The following OCA2 variants were observed in gnomAD, a reference collection of about 807,000 sequenced individuals.
OCA2 encodes OCA2 melanosomal transmembrane protein.
In OCA2, 77 loss-of-function variants were observed where a neutral mutation model predicts 100.2. The observed-to-expected ratio is 0.77, with a 90% confidence interval of 0.64 to 0.93. OCA2 has a LOEUF of 0.93. Ranked by LOEUF, OCA2 falls within the 40% of genes least tolerant of loss-of-function variation. The pLI, the probability that OCA2 is intolerant of heterozygous loss-of-function variation, is 0.00. For synonymous variants in OCA2, 432 were observed against 439.2 expected (o/e 0.98, Z 0.21); for missense variants, 1,062 against 1,089.1 (o/e 0.98, Z 0.35).
intron 2 of OCA2, among the ~76,000 whole-genome samples, chr15:28,069,618 G>A (rs866062995): frequency 5.0e-5 from 7 of 141,038 alleles, no homozygotes; most frequent in African/African-American, 8.7e-5. Context: ...TGGCCGGGCC[G>A]GTCTCCAGCC....
chr15:27,866,442 T>G (rs1567037699), intron 21 of OCA2, among the ~76,000 whole-genome samples: 3 of 152,004 alleles, frequency 2.0e-5, no homozygotes, highest in Admixed American at 2.0e-4. Flanking sequence ...AGTAACAGAG[T>G]AGCAGAGGAT....
chr15:27,761,708 C>T (rs1455070537), intron 23 of OCA2, among the ~76,000 whole-genome samples: 2 of 152,180 alleles, frequency 1.3e-5, no homozygotes, highest in Non-Finnish European at 2.9e-5. Context: ...CTCTATCCAA[C>T]ATGAAGGTCT....
chr15:28,093,390 G>A (rs1194705028), intron 1 of OCA2, among the ~76,000 whole-genome samples: 2 of 146,594 alleles, frequency 1.4e-5, no homozygotes, highest in African/African-American at 2.5e-5. Flanking sequence ...CAGCCTGGGC[G>A]ACAAGAGCAA....
intron 2 of OCA2, among the ~76,000 whole-genome samples, chr15:28,074,622 C>G (rs1231306041): frequency 6.8e-6 from 1 of 147,222 alleles, no homozygotes; most frequent in Non-Finnish European, 1.5e-5. Flanking sequence ...TGCAGTGAGC[C>G]GAGATCACGC....
At chr15:27,751,619 A>G (rs1376526484), downstream of OCA2, among the ~76,000 whole-genome samples, 3 of 152,236 alleles carry the variant, frequency 2.0e-5, no homozygotes, top group East Asian at 5.8e-4. Flanking sequence ...AAGCAAGTGC[A>G]GCTCACAGGT....
At chr15:28,084,885 G>C (rs1419200172) in intron 1 of OCA2, among the ~76,000 whole-genome samples, 2 of 152,250 alleles carry the variant, frequency 1.3e-5, no homozygotes, top group Non-Finnish European at 2.9e-5. Context: ...AGCATCTGGA[G>C]AGCGAGCAGC....
downstream of OCA2, among the ~76,000 whole-genome samples, chr15:27,750,917 T>C (rs927907890): frequency 3.3e-5 from 5 of 152,180 alleles, no homozygotes; most frequent in Admixed American, 6.5e-5. Context: ...GAAGGATGAA[T>C]GACACAAGCT....
intron 23 of OCA2, among the ~76,000 whole-genome samples, chr15:27,804,223 G>C (rs1222713687): frequency 6.6e-6 from 1 of 152,174 alleles, no homozygotes; most frequent in East Asian, 1.9e-4. Flanking sequence ...TTTCACCCAG[G>C]AATTGTGAGA....
At chr15:27,969,532 TCA>T (rs1418960083) in intron 14 of OCA2, among the ~76,000 whole-genome samples, 1 of 152,228 alleles carries the variant, frequency 6.6e-6, no homozygotes, top group African/African-American at 2.4e-5. Flanking sequence ...ACCAGCACAC[TCA>T]CATCAATTCA....
At chr15:27,989,487 C>G in intron 11 of OCA2, 114 bp downstream of exon 11, 1 of 833,496 alleles carries the variant, frequency 1.2e-6, no homozygotes, top group South Asian at 1.4e-5. Flanking sequence ...ACTTCTCAGT[C>G]AAGCCCTAGG....
intron 14 of OCA2, among the ~76,000 whole-genome samples, chr15:27,967,260 C>A (rs2040603197): frequency 6.6e-6 from 1 of 152,172 alleles, no homozygotes. Flanking sequence ...GGACCTTAGG[C>A]AGAGGTCCTG....
chr15:27,804,798 C>A (rs1034801641), intron 23 of OCA2, among the ~76,000 whole-genome samples: 1 of 152,234 alleles, frequency 6.6e-6, no homozygotes, highest in African/African-American at 2.4e-5. Context: ...TGGGAACCAC[C>A]AGCGTCCTGC....
At chr15:27,954,868 A>AGCGG (rs1215059941) in intron 17 of OCA2, among the ~76,000 whole-genome samples, 1 of 152,174 alleles carries the variant, frequency 6.6e-6, no homozygotes, top group African/African-American at 2.4e-5. Context: ...CAGGGCCAGG[A>AGCGG]GCGGGCTGGT....
chr15:27,841,659 T>C (rs1398298574), intron 23 of OCA2, among the ~76,000 whole-genome samples: 10 of 152,322 alleles, frequency 6.6e-5, no homozygotes, highest in Admixed American at 6.5e-4. Context: ...TCACAACATA[T>C]ATATCAGAAC....
downstream of OCA2, among the ~76,000 whole-genome samples, chr15:27,754,666 G>A (rs1038148028): frequency 3.9e-5 from 6 of 152,178 alleles, no homozygotes; most frequent in Non-Finnish European, 5.9e-5. Context: ...TCGAGTGTAC[G>A]TCTGTGTAAT....
At chr15:27,910,470 A>G (rs983148011) in intron 19 of OCA2, among the ~76,000 whole-genome samples, 3 of 152,212 alleles carry the variant, frequency 2.0e-5, no homozygotes, top group Non-Finnish European at 4.4e-5. Context: ...TGGCACATTC[A>G]CAAAATGGGG....
rs756248244 is a variant in OCA2, at chr15:27,926,201, C to A, written c.2005G>T (p.Asp669Tyr). 1 of 1,614,074 alleles carries A rather than the reference C, an allele frequency of 6.2e-7. No homozygotes were observed. The highest frequency in any genetic ancestry group is 1.3e-5 in the African/African-American group (1 of 75,042). The change falls in exon 19 of 24, where the codon GAT becomes TAT. Residue 669 changes from aspartate to tyrosine, a missense_variant. Physicochemically the swap from Asp to Tyr is radical, Grantham distance 160. Transcript: ENST00000354638. ...IWLLILADIH[D>Y]FEIILHRVEW... The stretch of plus-strand genomic sequence containing the variant: ...ACTCTGTGTAGAATTATCTCAAAAT[C>A]ATGAATATCAGCTAAAATTAGCAAC...
intron 21 of OCA2, among the ~76,000 whole-genome samples, chr15:27,854,603 C>G (rs1035849299): frequency 6.6e-6 from 1 of 152,208 alleles, no homozygotes; most frequent in African/African-American, 2.4e-5. Flanking sequence ...CCCTGAGGCA[C>G]TTTTCAAGCT....
At chr15:27,871,355 C>T in intron 20 of OCA2, 97 bp from the exon 21 acceptor site, 1 of 865,456 alleles carries the variant, frequency 1.2e-6, no homozygotes, top group Non-Finnish European at 1.9e-6. Flanking sequence ...GGGTGTTAGT[C>T]CTTCCTCTTA....
Sources: allele counts gnomAD v4.1 joint callset (sites outside exome capture counted in the v4.1 genomes callset), GRCh38; gene constraint gnomAD v4.1.1; transcripts MANE v1.5; gene names NCBI Gene and HGNC (gene_info 2026-07-23, HGNC 2026-07-21).